The following NDUFAF6 variants were observed in gnomAD, a reference collection of about 807,000 sequenced individuals.
NDUFAF6 encodes the protein NADH dehydrogenase (ubiquinone) complex I, assembly factor 6.
Under a neutral mutation model 40.8 loss-of-function variants are expected in NDUFAF6, and 45 were observed. The observed-to-expected ratio is 1.10, with a 90% CI of 0.87 to 1.42. NDUFAF6 has a LOEUF of 1.42. NDUFAF6 is among the 40% of genes most tolerant of loss of function. The probability of loss-of-function intolerance (pLI) is 0.00; values close to 1 mark genes in which losing one functional copy is unlikely to be tolerated. For synonymous variants in NDUFAF6, 185 were observed against 155.9 expected, an observed-to-expected ratio of 1.19 and a Z score of -1.39; for missense variants, 435 against 418.5, an observed-to-expected ratio of 1.04 and a Z score of -0.34.
intron 1 of NDUFAF6, among the ~76,000 whole-genome samples, chr8:94,902,125 A>T (rs1307086813): frequency 2.0e-5 from 3 of 152,108 alleles, no homozygotes; most frequent in African/African-American, 4.8e-5. Flanking sequence ...ACAGTTCAAT[A>T]TGAAAGGTAT....
rs542956339 is a variant in NDUFAF6, at chr8:95,048,092, G to T, written c.715-365G>T. On this transcript the variant is annotated intron_variant, in intron 6 of 8. Transcript: ENST00000396124. ...ACCTATAGTCCCAGCTACTCAGGAG[G>T]CCAAGGTGGGAGGATCCCTTGAGCC... Among the ~76,000 whole-genome samples the T allele has an allele frequency of 5.9e-5, 9 of 152,098 alleles. No individual in the cohort carries two copies. In the South Asian group the frequency reaches 1.7e-3, roughly 28 times the overall value.
upstream of NDUFAF6, chr8:95,024,879 T>A (rs1027484089): frequency 3.5e-5 from 28 of 800,900 alleles, no homozygotes; most frequent in African/African-American, 4.7e-4. Flanking sequence ...GACACCTGGC[T>A]CTTCTTTGAG....
intron 4 of NDUFAF6, among the ~76,000 whole-genome samples, chr8:95,109,587 T>G (rs1016145271): frequency 6.3e-5 from 9 of 142,328 alleles, no homozygotes; most frequent in Non-Finnish European, 9.3e-5. Context: ...GATAGATAGA[T>G]AGAGAGAGAG....
rs1423249742 is a variant in NDUFAF6, at chr8:94,939,938, T to C, written c.-935-5545T>C. ...ACCAGGGCAGGAGTTATGCACAGCA[T>C]AGACAGACATGCTGGGATGTTCAAT... On this transcript the variant is annotated intron_variant, in intron 1 of 14. Transcript: ENST00000396113. 6.2e-6 allele frequency: 10 copies of C among 1,614,174 alleles called. No homozygotes were observed. The highest frequency in any genetic ancestry group is 4.5e-5 in the East Asian group (2 of 44,878).
chr8:94,928,722 C>G (rs1563717829), intron 1 of NDUFAF6: 1 of 152,234 alleles, frequency 6.6e-6, no homozygotes, highest in Non-Finnish European at 1.5e-5. Flanking sequence ...TGACGTCTTC[C>G]ACTCCAAACG....
At chr8:95,006,250 C>G (rs1320945101) in intron 2 of NDUFAF6, among the ~76,000 whole-genome samples, 1 of 149,888 alleles carries the variant, frequency 6.7e-6, no homozygotes, top group Non-Finnish European at 1.5e-5. Context: ...CCCAGCTACT[C>G]AGGAGGCTGA....
In NDUFAF6 at chr8:95,040,060, G is replaced by C. The variant is rs576475589; in HGVS notation, c.421-1510G>C. ...ATTTTTCCCTTCCAGTATAGGATCTGATCTTGGGTCATGTACTTAATTGTC... is the reference window on the plus strand; with the variant it reads ...ATTTTTCCCTTCCAGTATAGGATCTCATCTTGGGTCATGTACTTAATTGTC... On this transcript the variant is annotated intron_variant, in intron 3 of 8. Coordinates refer to ENST00000396124, the MANE Select transcript of NDUFAF6 (RefSeq NM_152416.4). Among the ~76,000 whole-genome samples, 19 of 152,292 alleles carry C rather than the reference G, an allele frequency of 1.2e-4. No homozygotes were observed. In the South Asian group the frequency reaches 3.9e-3, roughly 32 times the overall value.
chr8:95,089,345 T>A (rs1334004684), intron 2 of NDUFAF6, among the ~76,000 whole-genome samples: 1 of 152,116 alleles, frequency 6.6e-6, no homozygotes, highest in Non-Finnish European at 1.5e-5. Context: ...AGTGCTGGGA[T>A]TACAGGTGTG....
At chr8:95,056,306 G>C (rs1270048253) in intron 8 of NDUFAF6, among the ~76,000 whole-genome samples, 1 of 151,632 alleles carries the variant, frequency 6.6e-6, no homozygotes, top group East Asian at 1.9e-4. Flanking sequence ...GACCTCCCAG[G>C]CTCAAGACAT....
chr8:94,899,092 T>G (rs957439478), intron 1 of NDUFAF6, among the ~76,000 whole-genome samples: 7 of 152,154 alleles, frequency 4.6e-5, no homozygotes, highest in African/African-American at 1.7e-4. Context: ...AGAGACAAGG[T>G]TTCACCATGT....
intron 2 of NDUFAF6, among the ~76,000 whole-genome samples, chr8:95,005,905 T>C (rs1826957155): frequency 6.6e-6 from 1 of 152,098 alleles, no homozygotes; most frequent in Admixed American, 6.6e-5. Context: ...GACAATGCAG[T>C]TCCAGAAACC....
chr8:94,949,136 C>CG (rs1491345492), intron 2 of NDUFAF6: 4 of 51,358 alleles, frequency 7.8e-5, no homozygotes, highest in African/African-American at 2.4e-4. Context: ...CGCCCGCCCG[C>CG]CCCCCCCCGG....
Position 94,925,374 on chromosome 8 carries a change from A to G in NDUFAF6, c.-935-20109A>G, listed in dbSNP as rs1385521496. ...AACACTTCTATAAGATTCCATCTCC[A>G]TTCATTTGGGAGAAGATCCATTGGG... On this transcript the variant is annotated intron_variant, in intron 1 of 14. Transcript: ENST00000396113. 7.2e-5 allele frequency among the ~76,000 whole-genome samples: 11 copies of G among 152,136 alleles called. No individual in the cohort carries two copies. In the South Asian group the frequency reaches 2.3e-3, roughly 32 times the overall value.
chr8:95,078,423 C>T (rs1431155999), downstream of NDUFAF6: 1 of 151,904 alleles, frequency 6.6e-6, no homozygotes, highest in Non-Finnish European at 1.5e-5. Flanking sequence ...GCAGGAGGAT[C>T]GCTTGAGCCC....
At chr8:95,040,086 T>A (rs7000577) in intron 3 of NDUFAF6, among the ~76,000 whole-genome samples, 4,608 of 152,332 alleles carry the variant, frequency 0.03, 237 homozygotes, top group African/African-American at 0.1. Context: ...CTTAATTGTC[T>A]TGTCTCTGTA....
chr8:95,112,990 T>C (rs1810038816), intron 4 of NDUFAF6, among the ~76,000 whole-genome samples: 1 of 152,172 alleles, frequency 6.6e-6, no homozygotes, highest in Admixed American at 6.5e-5. Flanking sequence ...CCAGCAGATA[T>C]TGGCAAGACT....
intron 2 of NDUFAF6, among the ~76,000 whole-genome samples, chr8:95,018,108 G>C (rs1397840782): frequency 1.3e-5 from 2 of 152,006 alleles, no homozygotes; most frequent in East Asian, 3.9e-4. Context: ...TGCAGTGATC[G>C]TGGCTCATTG....
rs570078426 is a variant in NDUFAF6, at chr8:95,091,753, A to C, written n.214-9379A>C. ...CTCTTGGGTTCAAGCGATCCCCCCC[A>C]GCTCAGCCTCCTGAGTAGCTGGGAC... is the stretch of plus-strand genomic sequence containing the variant. On this transcript the variant is annotated intron_variant and non_coding_transcript_variant, in intron 2 of 5. Transcript: ENST00000523184. Among the ~76,000 whole-genome samples, 8 of 148,546 alleles carry C rather than the reference A, an allele frequency of 5.4e-5. No individual in the cohort carries two copies. In the South Asian group the frequency reaches 1.7e-3, roughly 32 times the overall value.
rs375665080 is a variant in NDUFAF6 at position 95,035,539 on chromosome 8, A to G, written c.383A>G (p.Asn128Ser). 13 of 1,613,282 alleles carry G rather than the reference A, an allele frequency of 8.1e-6. No homozygotes were observed. Among genetic ancestry groups the G allele is most frequent in the African/African-American group, 8.0e-5 (6 of 74,778 alleles). Residue 128 changes from asparagine (N) to serine (S), a missense_variant, in exon 3 of 9, where the codon AAT becomes AGT. Transcript: ENST00000396124. ...ACTGTGGAAGATATATACTGTGACA[A>G]TCCACCACATCAGCCTGTGGCCATT... ...KKTVEDIYCD[N>S]PPHQPVAIEL...
Sources: gnomAD v4.1 joint callset for allele counts (sites outside exome capture counted in the v4.1 genomes callset) on GRCh38, gnomAD v4.1.1 for gene constraint, MANE v1.5 for transcripts, NCBI Gene and HGNC (gene_info 2026-07-23, HGNC 2026-07-21) for gene names.